Variants in CTNNA1 observed in about 807,000 individuals in gnomAD.
The protein encoded by CTNNA1 is catenin alpha 1.
A neutral mutation model predicts 98.4 loss-of-function variants in CTNNA1; 37 were observed. The ratio of observed to expected loss-of-function variants is 0.38; its 90% CI spans 0.29 to 0.49. CTNNA1 has a LOEUF of 0.49. CTNNA1 is among the 20% of genes least tolerant of loss of function. CTNNA1 has a pLI of 0.95. For synonymous variants in CTNNA1, 404 were observed against 413.2 expected, an observed-to-expected ratio of 0.98 and a Z score of 0.27; for missense variants, 761 against 1,147.2, an observed-to-expected ratio of 0.66 and a Z score of 4.86.
chr5:138,813,234 G>T lies in CTNNA1; in HGVS notation c.588+932G>T, dbSNP rs529229631. 5.9e-5 allele frequency among the ~76,000 whole-genome samples: 9 copies of T among 152,284 alleles called. No homozygotes were observed. In the South Asian group the frequency reaches 1.9e-3, roughly 32 times the overall value. On this transcript the variant is annotated intron_variant, in intron 5 of 17. Coordinates refer to ENST00000302763, the MANE Select transcript of CTNNA1 (RefSeq NM_001903.5). ...ATCGTCTTCAGTGTGCCTGGCACTG[G>T]GTGGCTGCAGAGGCTCTTTGCATGA...
intron 10 of CTNNA1, among the ~76,000 whole-genome samples, chr5:138,905,786 A>G (rs1038790309): frequency 2.0e-5 from 3 of 152,174 alleles, no homozygotes; most frequent in African/African-American, 7.2e-5. Flanking sequence ...AGGGATTTCT[A>G]AGGAGTATAA....
intron 9 of CTNNA1, among the ~76,000 whole-genome samples, chr5:138,888,456 G>A (rs1021149023): frequency 2.6e-5 from 4 of 152,184 alleles, no homozygotes; most frequent in Non-Finnish European, 5.9e-5. Flanking sequence ...TGGTAAGCTG[G>A]TCATTGTGTA....
At chr5:138,755,454 T>C (rs972014816) in intron 1 of CTNNA1, among the ~76,000 whole-genome samples, 8 of 152,140 alleles carry the variant, frequency 5.3e-5, no homozygotes, top group African/African-American at 1.9e-4. Context: ...AGTTTCTTTC[T>C]TTTCCTCGCC....
intron 3 of CTNNA1, among the ~76,000 whole-genome samples, chr5:138,793,819 T>C (rs1384674244): frequency 6.6e-6 from 1 of 152,136 alleles, no homozygotes; most frequent in African/African-American, 2.4e-5. Context: ...CATGAATATG[T>C]GTGTTACTTT....
intron 3 of CTNNA1, among the ~76,000 whole-genome samples, chr5:138,805,109 T>G (rs1267717170): frequency 6.6e-6 from 1 of 152,140 alleles, no homozygotes; most frequent in African/African-American, 2.4e-5. Flanking sequence ...CCAGATCTCA[T>G]GAGAACTCAT....
At chr5:138,850,236 A>T (rs1024158649) in intron 7 of CTNNA1, among the ~76,000 whole-genome samples, 1 of 152,096 alleles carries the variant, frequency 6.6e-6, no homozygotes, top group African/African-American at 2.4e-5. Context: ...CCTGTCTTCT[A>T]TCTTTGCCTT....
intron 7 of CTNNA1, among the ~76,000 whole-genome samples, chr5:138,843,108 T>C (rs1343875837): frequency 6.6e-6 from 1 of 152,182 alleles, no homozygotes; most frequent in African/African-American, 2.4e-5. Flanking sequence ...TGAAAGTTGG[T>C]TTAGGAGGAA....
chr5:138,856,440 C>A (rs540221798), intron 7 of CTNNA1, among the ~76,000 whole-genome samples: 1 of 152,232 alleles, frequency 6.6e-6, no homozygotes, highest in African/African-American at 2.4e-5. Context: ...AACTCCCAGG[C>A]TCAAGTGATC....
At chr5:138,794,012 AT>A (rs10717660) in intron 3 of CTNNA1, among the ~76,000 whole-genome samples, 60,405 of 112,232 alleles carry the variant, frequency 0.54, 15,568 homozygotes, top group East Asian at 0.87. Flanking sequence ...TCCTGGGTTG[AT>A]TTTTTTTTTT....
At chr5:138,861,260 A>C (rs962808662) in intron 7 of CTNNA1, among the ~76,000 whole-genome samples, 1 of 152,038 alleles carries the variant, frequency 6.6e-6, no homozygotes, top group African/African-American at 2.4e-5. Flanking sequence ...ACCTCAGGTG[A>C]TTTGCCCACT....
intron 10 of CTNNA1, among the ~76,000 whole-genome samples, chr5:138,916,422 T>A (rs1243193064): frequency 6.8e-6 from 1 of 147,418 alleles, no homozygotes; most frequent in Non-Finnish European, 1.5e-5. Context: ...GAGACAAGAG[T>A]CGTCCTGTTT....
intron 5 of CTNNA1, among the ~76,000 whole-genome samples, chr5:138,819,268 A>T (rs372848063): frequency 6.6e-6 from 1 of 152,178 alleles, no homozygotes; most frequent in East Asian, 1.9e-4. Flanking sequence ...CAACAGCAGC[A>T]CATATCCCAG....
chr5:138,824,375 G>A (rs1212186466), intron 5 of CTNNA1, among the ~76,000 whole-genome samples, 155 bp from the exon 6 acceptor site: 1 of 152,082 alleles, frequency 6.6e-6, no homozygotes, highest in African/African-American at 2.4e-5. Flanking sequence ...AAACCATACT[G>A]CCTTCTTTGT....
At chr5:138,927,478 C>A (rs75273745) in intron 13 of CTNNA1, among the ~76,000 whole-genome samples, 1,546 of 151,428 alleles carry the variant, frequency 0.01, 21 homozygotes, top group African/African-American at 0.036. Flanking sequence ...ACCCGCCCCC[C>A]CTTCCCCCTC....
intron 9 of CTNNA1, among the ~76,000 whole-genome samples, chr5:138,902,316 GA>G (rs1306259258): frequency 3.3e-5 from 5 of 152,204 alleles, no homozygotes; most frequent in Non-Finnish European, 7.3e-5. Context: ...AATATAGATT[GA>G]AATAAGATTG....
chr5:138,837,568 T>TTCTCCTCTCTCCTCTCTCTTCTCTC (rs967630070), intron 7 of CTNNA1, among the ~76,000 whole-genome samples: 2 of 134,786 alleles, frequency 1.5e-5, no homozygotes, highest in Non-Finnish European at 3.2e-5. Context: ...TTCTCTTCTC[T>TTCTCCTCTCTCCTCTCTCTTCTCTC]TCTCCTCTCT....
chr5:138,789,460 T>G (rs1561528023), intron 3 of CTNNA1, among the ~76,000 whole-genome samples: 4 of 151,736 alleles, frequency 2.6e-5, no homozygotes, highest in African/African-American at 9.7e-5. Context: ...GAGGTTTTTG[T>G]TTTGTTTTGT....
At chr5:138,898,835 G>A (rs1757441035) in intron 9 of CTNNA1, among the ~76,000 whole-genome samples, 1 of 152,104 alleles carries the variant, frequency 6.6e-6, no homozygotes, top group African/African-American at 2.4e-5. Flanking sequence ...TATCTTGCAT[G>A]TCTCTTAAAT....
At chr5:138,772,460 T>G (rs183723512) in intron 1 of CTNNA1, among the ~76,000 whole-genome samples, 49 of 152,352 alleles carry the variant, frequency 3.2e-4, no homozygotes, top group Non-Finnish European at 5.0e-4. Flanking sequence ...AAAAGTTATT[T>G]GTTTAGTTAC....
Sources: allele counts gnomAD v4.1 joint callset (sites outside exome capture counted in the v4.1 genomes callset), GRCh38; gene constraint gnomAD v4.1.1; transcripts MANE v1.5; gene names NCBI Gene and HGNC (gene_info 2026-07-23, HGNC 2026-07-21).